The following CCDC178 variants were observed in gnomAD, a reference collection of about 807,000 sequenced individuals.
The protein encoded by CCDC178 is coiled-coil domain-containing protein 178.
In CCDC178, 126 loss-of-function variants were observed where a neutral mutation model predicts 117.4. That is an observed-to-expected ratio of 1.07 (90% confidence interval 0.93 to 1.24). CCDC178 has a LOEUF of 1.24. CCDC178 is among the 50% of genes most tolerant of loss of function. The pLI is 0.00. For synonymous variants in CCDC178, 283 were observed against 313.4 expected, an observed-to-expected ratio of 0.90 and a Z score of 1.02; for missense variants, 1,030 against 986.9, an observed-to-expected ratio of 1.04 and a Z score of -0.59.
intron 15 of CCDC178, among the ~76,000 whole-genome samples, chr18:33,229,884 C>G (rs1277104049): frequency 6.6e-6 from 1 of 152,088 alleles, no homozygotes; most frequent in Non-Finnish European, 1.5e-5. Context: ...ATGGAATCTG[C>G]TAGAAACTTA....
chr18:33,081,786 G>A (rs2145035587), intron 21 of CCDC178, among the ~76,000 whole-genome samples: 1 of 152,144 alleles, frequency 6.6e-6, no homozygotes, highest in East Asian at 1.9e-4. Context: ...CCACTGCATT[G>A]TTACTTTTCT....
intron 11 of CCDC178, among the ~76,000 whole-genome samples, chr18:33,314,797 A>G (rs2062394695): frequency 1.3e-5 from 2 of 152,154 alleles, no homozygotes; most frequent in Non-Finnish European, 2.9e-5. Context: ...CTCTGCCTTA[A>G]TGTTACCAGG....
At chr18:33,424,758 C>G (rs560436344) in intron 2 of CCDC178, among the ~76,000 whole-genome samples, 1 of 152,180 alleles carries the variant, frequency 6.6e-6, no homozygotes, top group Non-Finnish European at 1.5e-5. Context: ...CTAGAGCAGA[C>G]AGCTCAGAAT....
At chr18:33,168,462 T>C (rs747622933) in intron 20 of CCDC178, among the ~76,000 whole-genome samples, 2 of 152,156 alleles carry the variant, frequency 1.3e-5, no homozygotes, top group African/African-American at 2.4e-5. Context: ...TTTGTAGCAG[T>C]AGAGAAAATA....
intron 21 of CCDC178, among the ~76,000 whole-genome samples, chr18:33,087,533 G>A (rs2057397963): frequency 6.6e-6 from 1 of 151,378 alleles, no homozygotes; most frequent in African/African-American, 2.4e-5. Context: ...GTATGTGTGT[G>A]TGTGTTTTCT....
At chr18:33,136,895 A>G (rs919867480) in intron 20 of CCDC178, among the ~76,000 whole-genome samples, 1 of 152,204 alleles carries the variant, frequency 6.6e-6, no homozygotes, top group Admixed American at 6.5e-5. Flanking sequence ...TCATTAATAC[A>G]TAATTGTTAA....
At chr18:33,306,412 T>TG (rs1555681313) in intron 11 of CCDC178, among the ~76,000 whole-genome samples, 1 of 126,252 alleles carries the variant, frequency 7.9e-6, no homozygotes, top group African/African-American at 3.0e-5. Context: ...TATTGGATCT[T>TG]TGTGTGTGTG....
At chr18:33,278,054 A>C (rs2059971681) in intron 12 of CCDC178, among the ~76,000 whole-genome samples, 1 of 151,982 alleles carries the variant, frequency 6.6e-6, no homozygotes, top group South Asian at 2.1e-4. Context: ...CTCCAACCAA[A>C]GCCCAAACTT....
At chr18:33,368,176 C>A (rs1235074037) in intron 6 of CCDC178, among the ~76,000 whole-genome samples, 1 of 151,894 alleles carries the variant, frequency 6.6e-6, no homozygotes, top group East Asian at 1.9e-4. Flanking sequence ...CCCTAGAATT[C>A]TCATCTGTAC....
intron 18 of CCDC178, among the ~76,000 whole-genome samples, chr18:33,222,545 G>A (rs2059249351): frequency 6.6e-6 from 1 of 151,966 alleles, no homozygotes; most frequent in Non-Finnish European, 1.5e-5. Context: ...GGTAGAAGGG[G>A]CCAGCAAGAT....
chr18:33,065,843 C>T (rs903692370), intron 21 of CCDC178, among the ~76,000 whole-genome samples: 1 of 151,292 alleles, frequency 6.6e-6, no homozygotes, highest in African/African-American at 2.4e-5. Flanking sequence ...GACTGTTATA[C>T]CTAGCAAAGT....
intron 12 of CCDC178, among the ~76,000 whole-genome samples, chr18:33,292,021 C>CAA (rs554196569): frequency 0.064 from 9,081 of 141,660 alleles, 436 homozygotes; most frequent in East Asian, 0.13. Context: ...GGAGATTCCT[C>CAA]AAAAAAAAAA....
intron 9 of CCDC178, among the ~76,000 whole-genome samples, chr18:33,341,755 G>A (rs867318390): frequency 5.3e-5 from 8 of 152,016 alleles, no homozygotes; most frequent in African/African-American, 1.7e-4. Context: ...AGTTCTCCCT[G>A]GCCATGTAGA....
At chr18:33,308,213 G>T (rs1193199183) in intron 11 of CCDC178, among the ~76,000 whole-genome samples, 2 of 152,336 alleles carry the variant, frequency 1.3e-5, no homozygotes, top group Admixed American at 6.5e-5. Flanking sequence ...GTGTGGAGCT[G>T]CCCAAGGCCA....
At chr18:33,376,440 T>A (rs2144777928) in intron 5 of CCDC178, among the ~76,000 whole-genome samples, 1 of 152,314 alleles carries the variant, frequency 6.6e-6, no homozygotes, top group South Asian at 2.1e-4. Flanking sequence ...CTTGTTTTCC[T>A]TTTTTATAAT....
intron 6 of CCDC178, among the ~76,000 whole-genome samples, chr18:33,369,657 T>C (rs2063269038): frequency 6.6e-6 from 1 of 151,984 alleles, no homozygotes; most frequent in Non-Finnish European, 1.5e-5. Flanking sequence ...AGCATTTCTT[T>C]AGAATAAAAC....
chr18:33,046,877 G>A (rs533531258), intron 21 of CCDC178, among the ~76,000 whole-genome samples: 60 of 152,242 alleles, frequency 3.9e-4, no homozygotes, highest in Middle Eastern at 3.4e-3. Context: ...TTATTCTGAA[G>A]GGTAAGACTG....
At chr18:33,342,044 T>C (rs1301891755) in intron 9 of CCDC178, among the ~76,000 whole-genome samples, 3 of 152,182 alleles carry the variant, frequency 2.0e-5, no homozygotes, top group African/African-American at 7.2e-5. Context: ...ATGAGTAAGA[T>C]AACTGATCTA....
chr18:33,031,285 T>C (rs1598807559), intron 21 of CCDC178, among the ~76,000 whole-genome samples: 1 of 151,624 alleles, frequency 6.6e-6, no homozygotes, highest in East Asian at 1.9e-4. Context: ...GCTCAGGCTG[T>C]AGTGCAGTGG....
Sources: gnomAD v4.1 joint callset for allele counts (sites outside exome capture counted in the v4.1 genomes callset) on GRCh38, gnomAD v4.1.1 for gene constraint, MANE v1.5 for transcripts, NCBI Gene and HGNC (gene_info 2026-07-23, HGNC 2026-07-21) for gene names.